Variants in ALDH1L2 observed in about 807,000 individuals in gnomAD.
ALDH1L2 encodes the protein mitochondrial 10-formyltetrahydrofolate dehydrogenase.
A neutral mutation model predicts 111.0 loss-of-function variants in ALDH1L2; 91 were observed. The ratio of observed to expected loss-of-function variants is 0.82; its 90% CI spans 0.69 to 0.98. The LOEUF is 0.98. Ranked by LOEUF, ALDH1L2 falls within the 50% of genes least tolerant of loss-of-function variation. The pLI, the probability that ALDH1L2 is intolerant of heterozygous loss-of-function variation, is 0.00. For missense variants in ALDH1L2, 995 were observed against 1,126.8 expected (o/e 0.88, Z 1.67); for synonymous variants, 374 against 392.6 (o/e 0.95, Z 0.56).
chr12:105,050,038 T>A lies in ALDH1L2; in HGVS notation c.1556A>T (p.Glu519Val), dbSNP rs1305454647. 6.2e-7 allele frequency: 1 copy of A among 1,604,234 alleles called. No homozygotes were observed. The highest frequency in any genetic ancestry group is 1.7e-5 in the Admixed American group (1 of 58,050). ...AATAGTTGCCAGCTCTTCTTGGTTC[T>A]CTTCCAGTAGGTCTGCAAGTCTGTG... ...LMYRLADLLE[E>V]NQEELATIEA... is the part of the protein sequence containing the mutation. Residue 519 changes from glutamate to valine, a missense_variant, in exon 13 of 23, where the codon GAG (glutamate) becomes GTG (valine). Transcript: ENST00000258494.
At chr12:105,046,673 A>G (rs1737894710) in intron 15 of ALDH1L2, 37 bp downstream of exon 15, 1 of 1,562,314 alleles carries the variant, frequency 6.4e-7, no homozygotes, top group Non-Finnish European at 8.8e-7. Flanking sequence ...GATATAAGAG[A>G]GGAGGCAATT....
At chr12:105,074,169 T>G in intron 1 of ALDH1L2, 164 bp from the exon 2 acceptor site, 1 of 877,118 alleles carries the variant, frequency 1.1e-6, no homozygotes, top group Non-Finnish European at 1.7e-6. Flanking sequence ...GTAAGAAACC[T>G]ACCCTTGGCC....
chr12:105,084,322 C>A, intron 1 of ALDH1L2, 67 bp downstream of exon 1: 1 of 1,479,780 alleles, frequency 6.8e-7, no homozygotes. Flanking sequence ...CGCCCCGGCC[C>A]TCCCGCCCCG....
At chr12:105,035,175 C>T (rs934985487) in intron 18 of ALDH1L2, among the ~76,000 whole-genome samples, 8 of 149,260 alleles carry the variant, frequency 5.4e-5, no homozygotes, top group Non-Finnish European at 1.2e-4. Context: ...AGGCTGGACT[C>T]AACACCTGGG....
At chr12:105,065,237 G>C (rs1224587448) in intron 6 of ALDH1L2, 30 bp downstream of exon 6, 3 of 1,207,030 alleles carry the variant, frequency 2.5e-6, no homozygotes, top group African/African-American at 3.5e-5. Context: ...ATCGGGGAGG[G>C]GGGTGGGGGG....
intron 6 of ALDH1L2, among the ~76,000 whole-genome samples, chr12:105,064,235 G>C (rs1877211727): frequency 7.0e-6 from 1 of 143,610 alleles, no homozygotes; most frequent in African/African-American, 2.6e-5. Flanking sequence ...TCCCACCTCG[G>C]CCTCCCAAAG....
chr12:105,026,690 T>C lies in ALDH1L2; in HGVS notation c.2571A>G (p.Ser857=). The change falls in exon 22 of 23, where the codon TCA becomes TCG. Residue 857 remains serine (S), a synonymous_variant. Coordinates refer to ENST00000258494, the MANE Select transcript of ALDH1L2 (RefSeq NM_001034173.4). ...TGTTTATGTCTCTTGTAAAAACCCC[T>C]GAGGCCAAACCATACTCTGTACTAT... The part of the protein sequence containing the change: ...RANSTEYGLA[S]GVFTRDINKA... 6.2e-7 allele frequency: 1 copy of C among 1,614,210 alleles called. No individual in the cohort carries two copies. Among genetic ancestry groups the C allele is most frequent in the East Asian group, 2.2e-5 (1 of 44,890 alleles).
In ALDH1L2 at chr12:105,067,524, G is replaced by T. The variant is rs535992865; in HGVS notation, c.595-855C>A. ...ATTCAACTTGCTTTCTAGTTTAGGA[G>T]ACCTGGAATAAAAAAAGTTAAAATC... On this transcript the variant is annotated intron_variant, in intron 4 of 22. Coordinates refer to ENST00000258494, the MANE Select transcript of ALDH1L2 (RefSeq NM_001034173.4). Among the ~76,000 whole-genome samples, 18 of 152,290 alleles carry T rather than the reference G, an allele frequency of 1.2e-4. No homozygotes were observed. The South Asian group carries it at 3.5e-3, about 30-fold the overall frequency.
chr12:105,030,076 G>A (rs1428563500), intron 21 of ALDH1L2: 2 of 279,742 alleles, frequency 7.1e-6, no homozygotes, highest in Non-Finnish European at 1.3e-5. Flanking sequence ...AATGTCAAGT[G>A]CAGAAAAACT....
At chr12:105,067,460 T>C (rs947138601) in intron 4 of ALDH1L2, among the ~76,000 whole-genome samples, 9 of 152,218 alleles carry the variant, frequency 5.9e-5, no homozygotes, top group African/African-American at 2.2e-4. Context: ...TTACTCATCA[T>C]GATGATTCTA....
chr12:105,046,783 G>T lies in ALDH1L2; in HGVS notation c.1790C>A (p.Pro597Gln). ...ACTCTTCCATGCCAGCATCATCAGC[G>T]GGTAGTTCCAGGGAATAATAATGGC... ...VCAIIIPWNY[P>Q]LMMLAWKSAA... is the part of the protein sequence containing the mutation. The change falls in exon 15 of 23, where the codon CCG becomes CAG. Residue 597 changes from proline (P) to glutamine (Q), a missense_variant. Transcript: ENST00000258494. 1 of 1,614,138 alleles carries T rather than the reference G, an allele frequency of 6.2e-7. No individual in the cohort carries two copies. Among genetic ancestry groups the T allele is most frequent in the South Asian group, 1.1e-5 (1 of 91,076 alleles).
Position 105,070,600 on chromosome 12 carries a change from G to A in ALDH1L2, c.398C>T (p.Pro133Leu). ...GATAGCAGAGGCTCCTCTGTGCCTG[G>A]GCAGGATGGATGGGTGATAAATGAT... ...GSIIYHPSILPRHRGASAINW... is the reference protein window; with the variant it reads ...GSIIYHPSILLRHRGASAINW... The change falls in exon 3 of 23, where the codon CCC becomes CTC. Residue 133 changes from proline to leucine, a missense_variant. Coordinates refer to ENST00000258494, the MANE Select transcript of ALDH1L2 (RefSeq NM_001034173.4). The A allele has an allele frequency of 6.2e-7, 1 of 1,613,950 alleles. No individual in the cohort carries two copies. The highest frequency in any genetic ancestry group is 8.5e-7 in the Non-Finnish European group (1 of 1,179,892).
intron 13 of ALDH1L2, among the ~76,000 whole-genome samples, chr12:105,048,828 C>T (rs1198163669): frequency 1.3e-5 from 2 of 151,852 alleles, no homozygotes; most frequent in East Asian, 3.9e-4. Context: ...GTCAGGAGTT[C>T]GAGACCAGCC....
chr12:105,020,080 C>T lies in ALDH1L2; in HGVS notation c.*4344G>A, dbSNP rs1408333772. ...TAATCATTTTAAAAATCTACTCAGG[C>T]ATCATTTGTATAATAGTAATAATAA... On this transcript the variant is annotated 3_prime_UTR_variant, in exon 23 of 23. Coordinates refer to ENST00000258494, the MANE Select transcript of ALDH1L2 (RefSeq NM_001034173.4). 2 of 152,094 alleles carry T rather than the reference C, an allele frequency of 1.3e-5. No individual in the cohort carries two copies. Among genetic ancestry groups the T allele is most frequent in the Non-Finnish European group, 2.9e-5 (2 of 68,000 alleles). 9.4% of individuals were successfully genotyped at this position (152,094 alleles called of 1,614,324 possible). A position where few individuals can be genotyped will look rare whatever the true frequency, so the allele number is the denominator to read the frequency against.
Position 105,062,897 on chromosome 12 carries a change from A to T in ALDH1L2, c.912T>A (p.Asp304Glu). 2 of 1,610,708 alleles carry T rather than the reference A, an allele frequency of 1.2e-6. No homozygotes were observed. The highest frequency in any genetic ancestry group is 1.7e-6 in the Non-Finnish European group (2 of 1,179,084). The change falls in exon 7 of 23, where the codon GAT becomes GAA. Residue 304 changes from aspartate (D) to glutamate (E), a missense_variant. Transcript: ENST00000258494. ...TKNGLVLFGNDGKALTVRNLQ... is the reference protein window; with the variant it reads ...TKNGLVLFGNEGKALTVRNLQ... ...CATATTTAACACTCACTGCTTTTCCATCGTTACCAAAAAGAACAAGTCCAT... is the reference window on the plus strand; with the variant it reads ...CATATTTAACACTCACTGCTTTTCCTTCGTTACCAAAAAGAACAAGTCCAT...
intron 17 of ALDH1L2, 44 bp from the exon 18 acceptor site, chr12:105,038,246 T>TCG: frequency 1.3e-6 from 1 of 740,996 alleles, no homozygotes; most frequent in African/African-American, 2.4e-5. Context: ...TTAACATCTC[T>TCG]CTCTCTCTCT....
intron 19 of ALDH1L2, among the ~76,000 whole-genome samples, 160 bp downstream of exon 19, chr12:105,034,140 C>T (rs1874845997): frequency 6.6e-6 from 1 of 152,052 alleles, no homozygotes. Context: ...TGTAAGTATG[C>T]CAGTATGTAG....
At chr12:105,066,433 G>C (rs1877357637) in intron 5 of ALDH1L2, 135 bp downstream of exon 5, 1 of 698,648 alleles carries the variant, frequency 1.4e-6, no homozygotes, top group East Asian at 2.8e-5. Flanking sequence ...CGTATGTCTG[G>C]CTACCTGTCT....
rs1223197177 is a variant in ALDH1L2 at position 105,036,197 on chromosome 12, T to G, written c.2146-1799A>C. 5.7e-5 allele frequency among the ~76,000 whole-genome samples: 3 copies of G among 52,892 alleles called. 1 individual carries two copies. Among genetic ancestry groups the G allele is most frequent in the Non-Finnish European group, 8.7e-5 (3 of 34,666 alleles). 34.7% of individuals were successfully genotyped at this position (52,892 alleles called of 152,430 possible). A position where few individuals can be genotyped will look rare whatever the true frequency, so the allele number is the denominator to read the frequency against. ...TATATTTATATATGTGTATATAATATATACACGTATATTTATATATGTGTA... is the reference window on the plus strand; with the variant it reads ...TATATTTATATATGTGTATATAATAGATACACGTATATTTATATATGTGTA... On this transcript the variant is annotated intron_variant, in intron 18 of 22. Coordinates refer to ENST00000258494, the MANE Select transcript of ALDH1L2 (RefSeq NM_001034173.4).
Sources: allele counts gnomAD v4.1 joint callset (sites outside exome capture counted in the v4.1 genomes callset), GRCh38; gene constraint gnomAD v4.1.1; transcripts MANE v1.5; gene names NCBI Gene and HGNC (gene_info 2026-07-23, HGNC 2026-07-21).